The following SCO1 variants were observed in gnomAD, a reference collection of about 807,000 sequenced individuals.
The protein encoded by SCO1 is cytochrome c oxidase assembly factor SCO1.
A neutral mutation model predicts 34.0 loss-of-function variants in SCO1; 23 were observed. The observed-to-expected ratio is 0.68, with a 90% CI of 0.49 to 0.96. The LOEUF is 0.96. Among genes scored for constraint, SCO1 ranks in the 40% least tolerant of loss-of-function variants. The pLI, the probability that SCO1 is intolerant of heterozygous loss-of-function variation, is 0.00. For synonymous variants in SCO1, 161 were observed against 145.5 expected, an observed-to-expected ratio of 1.11 and a Z score of -0.77; for missense variants, 404 against 381.6, an observed-to-expected ratio of 1.06 and a Z score of -0.49.
rs2074617676 is a variant in SCO1, at chr17:10,680,960, C to T, written c.*159G>A. 2 of 885,350 alleles carry T rather than the reference C, an allele frequency of 2.3e-6. No homozygotes were observed. The highest frequency in any genetic ancestry group is 1.8e-6 in the Non-Finnish European group (1 of 552,610). The allele number at this position is 885,350 out of a possible 1,614,324, so 54.8% of individuals were successfully genotyped here. ...GTTCCAAGAATCAATTTTGGTTGAA[C>T]GCAAGGGTAACATCCCCATCCAAAA... On this transcript the variant is annotated 3_prime_UTR_variant, in exon 6 of 6. Transcript: ENST00000255390.
Position 10,691,220 on chromosome 17 carries a change from C to T in SCO1, c.655+652G>A, listed in dbSNP as rs115481167. On this transcript the variant is annotated intron_variant, in intron 4 of 5. Coordinates refer to ENST00000255390, the MANE Select transcript of SCO1 (RefSeq NM_004589.4). ...CTGCTACCTCCGCCTGCCAGGTTCA[C>T]GCGAATTCTCCTGCCTCAGCCTCCC... 6.1e-3 allele frequency among the ~76,000 whole-genome samples: 933 copies of T among 152,252 alleles called. 5 individuals are homozygous for T. The highest frequency in any genetic ancestry group is 0.02 in the African/African-American group (841 of 41,532).
chr17:10,682,223 C>A (rs1191762661), intron 5 of SCO1, among the ~76,000 whole-genome samples: 1 of 152,192 alleles, frequency 6.6e-6, no homozygotes, highest in Non-Finnish European at 1.5e-5. Context: ...AATGTGACTA[C>A]AAATACCAAA....
intron 2 of SCO1, among the ~76,000 whole-genome samples, chr17:10,693,485 C>A (rs1272260472): frequency 6.6e-6 from 1 of 152,174 alleles, no homozygotes; most frequent in Non-Finnish European, 1.5e-5. Flanking sequence ...GAGAGCTAGG[C>A]TGAACCCTGC....
chr17:10,686,923 T>A (rs563974416), intron 4 of SCO1, 81 bp from the exon 5 acceptor site: 58 of 888,568 alleles, frequency 6.5e-5, no homozygotes, highest in Non-Finnish European at 1.1e-4. Flanking sequence ...GTATCAGTTG[T>A]AAAGCAGCTC....
At chr17:10,689,961 T>A (rs2074680344) in intron 4 of SCO1, among the ~76,000 whole-genome samples, 1 of 151,988 alleles carries the variant, frequency 6.6e-6, no homozygotes, top group African/African-American at 2.4e-5. Flanking sequence ...GACAGTCTCC[T>A]CAAGAAACGG....
rs1204416451 is a variant in SCO1 at position 10,677,578 on chromosome 17, AATC to A, written c.*3538_*3540del. 6.6e-6 allele frequency: 1 copy of A among 152,334 alleles called. No individual in the cohort carries two copies. The highest frequency in any genetic ancestry group is 2.1e-4 in the South Asian group (1 of 4,828). 9.4% of individuals were successfully genotyped at this position (152,334 alleles called of 1,614,324 possible). A position where few individuals can be genotyped will look rare whatever the true frequency, so the allele number is the denominator to read the frequency against. ...TTATGCAGACGCATTTACAATTTAAAATCATTAGCCTCCCAACTCGCATATTTT... is the reference window on the plus strand; with the variant it reads ...TTATGCAGACGCATTTACAATTTAAAATTAGCCTCCCAACTCGCATATTTT... On this transcript the variant is annotated 3_prime_UTR_variant, in exon 6 of 6. Transcript: ENST00000255390.
intron 1 of SCO1, 86 bp from the exon 2 acceptor site, chr17:10,695,917 T>C (rs1347052981): frequency 2.1e-6 from 2 of 953,374 alleles, no homozygotes; most frequent in South Asian, 1.3e-5. Flanking sequence ...GTTTTTAATA[T>C]ACATACACAC....
At chr17:10,691,465 A>T (rs1286417208) in intron 4 of SCO1, among the ~76,000 whole-genome samples, 1 of 152,152 alleles carries the variant, frequency 6.6e-6, no homozygotes, top group Non-Finnish European at 1.5e-5. Flanking sequence ...AGTTCAAAAT[A>T]TGTTTGTATT....
chr17:10,685,690 C>A (rs1211657037), intron 5 of SCO1, among the ~76,000 whole-genome samples: 1 of 152,216 alleles, frequency 6.6e-6, no homozygotes, highest in African/African-American at 2.4e-5. Context: ...AAATGCAGTT[C>A]TCCATGGCCT....
chr17:10,686,914 T>C (rs1258994052), intron 4 of SCO1, 72 bp from the exon 5 acceptor site: 1 of 970,034 alleles, frequency 1.0e-6, no homozygotes, highest in African/African-American at 1.6e-5. Context: ...TCAAAAAATG[T>C]ATCAGTTGTA....
chr17:10,691,781 C>A, intron 4 of SCO1, 91 bp downstream of exon 4: 1 of 790,550 alleles, frequency 1.3e-6, no homozygotes, highest in Non-Finnish European at 2.2e-6. Flanking sequence ...TACCATTTGT[C>A]CTATTTCACA....
In SCO1 at chr17:10,675,951, T is replaced by C. The variant is rs1176981116; in HGVS notation, c.*5168A>G. On this transcript the variant is annotated 3_prime_UTR_variant, in exon 6 of 6. Coordinates refer to ENST00000255390, the MANE Select transcript of SCO1 (RefSeq NM_004589.4). ...CACATCCCCACAACGAACTGCATCA[T>C]AGCTCCTTGAAATCAAAGGACCAAA... 3.9e-5 allele frequency: 6 copies of C among 152,302 alleles called. No homozygotes were observed. In the South Asian group the frequency reaches 8.3e-4, roughly 21 times the overall value. 9.4% of individuals were successfully genotyped at this position (152,302 alleles called of 1,614,324 possible).
At chr17:10,686,031 G>A (rs1000450691) in intron 5 of SCO1, among the ~76,000 whole-genome samples, 6 of 152,084 alleles carry the variant, frequency 3.9e-5, no homozygotes, top group African/African-American at 7.2e-5. Flanking sequence ...TCAGGAATTC[G>A]AGACCCCCTG....
At position 10,681,085 on chromosome 17, in the gene SCO1, C is replaced by A; in HGVS notation, c.*34G>T. The A allele has an allele frequency of 1.2e-6, 2 of 1,613,726 alleles. No homozygotes were observed. Among genetic ancestry groups the A allele is most frequent in the Middle Eastern group, 1.6e-4 (1 of 6,062 alleles). On this transcript the variant is annotated 3_prime_UTR_variant, in exon 6 of 6. Coordinates refer to ENST00000255390, the MANE Select transcript of SCO1 (RefSeq NM_004589.4). Reference sequence around the variant, plus strand: ...TGCGAGACAGTTTCCTTCCTCTTAGCAAGAGAATACTGCATCCAGCAACAC... The same window carrying A: ...TGCGAGACAGTTTCCTTCCTCTTAGAAAGAGAATACTGCATCCAGCAACAC...
rs1204862774 is a variant in SCO1, at chr17:10,680,828, C to T, written c.*291G>A. 1.1e-5 allele frequency: 5 copies of T among 471,448 alleles called. No individual in the cohort carries two copies. The highest frequency in any genetic ancestry group is 4.2e-5 in the East Asian group (1 of 23,568). The allele number at this position is 471,448 out of a possible 1,614,324, so 29.2% of individuals were successfully genotyped here. A position where few individuals can be genotyped will look rare whatever the true frequency, so the allele number is the denominator to read the frequency against. ...AGGCAGGAATGCACTGGCTGTGCCT[C>T]GCCCCGCCATGTCCTTCCACAGGTG... is the stretch of plus-strand genomic sequence containing the variant. On this transcript the variant is annotated 3_prime_UTR_variant, in exon 6 of 6. Coordinates refer to ENST00000255390, the MANE Select transcript of SCO1 (RefSeq NM_004589.4).
At chr17:10,690,197 G>T (rs907169888) in intron 4 of SCO1, among the ~76,000 whole-genome samples, 1 of 151,982 alleles carries the variant, frequency 6.6e-6, no homozygotes, top group Non-Finnish European at 1.5e-5. Flanking sequence ...AGGCAAATGG[G>T]GTTATATCAA....
intron 1 of SCO1, among the ~76,000 whole-genome samples, chr17:10,696,455 C>G (rs756080909): frequency 2.0e-5 from 3 of 152,020 alleles, no homozygotes; most frequent in Non-Finnish European, 2.9e-5. Flanking sequence ...AAAACAAAAA[C>G]CAAAATCCAA....
chr17:10,695,684 C>G (rs1662736711), intron 2 of SCO1, 57 bp downstream of exon 2: 2 of 1,248,056 alleles, frequency 1.6e-6, no homozygotes. Flanking sequence ...AAAAAAGGTG[C>G]TAGTCCATAG....
rs945495379 is a variant in SCO1 at position 10,674,793 on chromosome 17, C to T, written c.*6326G>A. 1.3e-5 allele frequency: 2 copies of T among 152,324 alleles called. No individual in the cohort carries two copies. The highest frequency in any genetic ancestry group is 1.3e-4 in the Admixed American group (2 of 15,274). 9.4% of individuals were successfully genotyped at this position (152,324 alleles called of 1,614,324 possible). A position where few individuals can be genotyped will look rare whatever the true frequency, so the allele number is the denominator to read the frequency against. ...CATCTACAGAGCTCAGCCTTGGCCC[C>T]TTACCTTTGCATCATCCTTGAATGG... On this transcript the variant is annotated 3_prime_UTR_variant, in exon 6 of 6. Coordinates refer to ENST00000255390, the MANE Select transcript of SCO1 (RefSeq NM_004589.4).
Sources: allele counts gnomAD v4.1 joint callset (sites outside exome capture counted in the v4.1 genomes callset), GRCh38; gene constraint gnomAD v4.1.1; transcripts MANE v1.5; gene names NCBI Gene and HGNC (gene_info 2026-07-23, HGNC 2026-07-21).